OSBPL9: variants seen among roughly 807,000 people sequenced by gnomAD.
OSBPL9 encodes oxysterol-binding protein-related protein 9.
In OSBPL9, 40 loss-of-function variants were observed where a neutral mutation model predicts 106.6. The observed-to-expected ratio is 0.38, with a 90% CI of 0.29 to 0.49. The LOEUF (loss-of-function observed/expected upper bound fraction) is 0.49. Ranked by LOEUF, OSBPL9 falls within the 20% of genes least tolerant of loss-of-function variation. The pLI, the probability that OSBPL9 is intolerant of heterozygous loss-of-function variation, is 0.97. For missense variants in OSBPL9, 609 were observed against 887.2 expected (o/e 0.69, Z 3.98); for synonymous variants, 269 against 295.4 (o/e 0.91, Z 0.92).
the OSBPL9 span, among the ~76,000 whole-genome samples, chr1:51,528,906 C>T: frequency 6.6e-6 from 1 of 151,868 alleles, no homozygotes; most frequent in East Asian, 1.9e-4. Flanking sequence ...ATTCCGTTTA[C>T]AATAACATCA....
chr1:51,597,459 G>A (rs113907749), intron 1 of OSBPL9, among the ~76,000 whole-genome samples: 31,163 of 132,834 alleles, frequency 0.23, 4,415 homozygotes, highest in African/African-American at 0.41. Context: ...GTGTGTGTGT[G>A]TATATACACA....
At chr1:51,749,142 T>C (rs1220270924) in intron 7 of OSBPL9, among the ~76,000 whole-genome samples, 2 of 152,128 alleles carry the variant, frequency 1.3e-5, no homozygotes, top group Non-Finnish European at 2.9e-5. Flanking sequence ...GGCTTCTTTC[T>C]TATTAAAATA....
intron 2 of OSBPL9, among the ~76,000 whole-genome samples, chr1:51,606,799 A>G (rs1201988393): frequency 6.6e-6 from 1 of 152,206 alleles, no homozygotes; most frequent in Non-Finnish European, 1.5e-5. Flanking sequence ...CTGTAATCTC[A>G]GCACTTTGGG....
upstream of OSBPL9, chr1:51,616,907 TGCATTCTC>T: frequency 4.9e-6 from 4 of 822,254 alleles, no homozygotes; most frequent in Non-Finnish European, 7.3e-6. Flanking sequence ...TATTCACGTT[TGCATTCTC>T]GCATCCGTGG....
the OSBPL9 span, chr1:51,519,214 C>G: frequency 8.2e-6 from 11 of 1,348,368 alleles, no homozygotes; most frequent in African/African-American, 1.2e-4. Flanking sequence ...TCAGAGAGAG[C>G]TGGGCCGCCG....
chr1:51,686,941 T>C (rs1198414402), intron 3 of OSBPL9, among the ~76,000 whole-genome samples: 4 of 152,230 alleles, frequency 2.6e-5, no homozygotes, highest in Non-Finnish European at 5.9e-5. Flanking sequence ...AGACTGAATG[T>C]AGAGCATGAG....
intron 1 of OSBPL9, among the ~76,000 whole-genome samples, chr1:51,633,385 T>C (rs928242738): frequency 4.6e-5 from 7 of 151,190 alleles, no homozygotes; most frequent in South Asian, 2.1e-4. Flanking sequence ...GCCTGGGCAA[T>C]GTAGGGAGAC....
At chr1:51,653,196 G>GTT (rs543770791) in intron 2 of OSBPL9, among the ~76,000 whole-genome samples, 2 of 145,452 alleles carry the variant, frequency 1.4e-5, no homozygotes, top group African/African-American at 2.5e-5. Flanking sequence ...TCTAGTTTTT[G>GTT]TTTTTTTTTT....
chr1:51,546,464 G>A, the OSBPL9 span, among the ~76,000 whole-genome samples: 9 of 152,198 alleles, frequency 5.9e-5, no homozygotes, highest in East Asian at 1.9e-4. Flanking sequence ...TTGGGATGCC[G>A]AGGCGGGTGG....
chr1:51,753,306 T>C (rs1352568923), intron 8 of OSBPL9, among the ~76,000 whole-genome samples: 1 of 152,208 alleles, frequency 6.6e-6, no homozygotes, highest in African/African-American at 2.4e-5. Flanking sequence ...TGTGCTTTGG[T>C]TTATATTCCA....
At chr1:51,680,266 A>T (rs866783954) in intron 3 of OSBPL9, among the ~76,000 whole-genome samples, 97 of 151,764 alleles carry the variant, frequency 6.4e-4, no homozygotes, top group Middle Eastern at 6.8e-3. Context: ...AAAAAAAAAA[A>T]TTTTGAGTCA....
chr1:51,605,254 T>A (rs898213697), intron 2 of OSBPL9, among the ~76,000 whole-genome samples: 1 of 152,080 alleles, frequency 6.6e-6, no homozygotes, highest in Non-Finnish European at 1.5e-5. Flanking sequence ...ACAAGAGCCA[T>A]TTAAATAAGG....
intron 4 of OSBPL9, among the ~76,000 whole-genome samples, chr1:51,721,598 T>C (rs1662135512): frequency 6.6e-6 from 1 of 152,244 alleles, no homozygotes; most frequent in Non-Finnish European, 1.5e-5. Flanking sequence ...TCTGAGTAGA[T>C]TAATAAAAAT....
At chr1:51,570,567 CA>C in the OSBPL9 span, among the ~76,000 whole-genome samples, 1 of 152,192 alleles carries the variant, frequency 6.6e-6, no homozygotes, top group Non-Finnish European at 1.5e-5. Context: ...GACAGAGTCA[CA>C]AATGAAATCA....
chr1:51,519,267 G>C, the OSBPL9 span: 45 of 1,277,726 alleles, frequency 3.5e-5, no homozygotes, highest in Non-Finnish European at 4.5e-5. Context: ...GAAGGAAGAC[G>C]GGCTGACTGG....
intron 1 of OSBPL9, among the ~76,000 whole-genome samples, chr1:51,618,851 C>T (rs1209421452): frequency 1.3e-5 from 2 of 152,100 alleles, no homozygotes; most frequent in Admixed American, 6.6e-5. Flanking sequence ...AATCAGGATG[C>T]CAAATTATTG....
the OSBPL9 span, among the ~76,000 whole-genome samples, chr1:51,558,248 C>G: frequency 6.6e-6 from 1 of 151,882 alleles, no homozygotes; most frequent in South Asian, 2.1e-4. Flanking sequence ...CCACTGCACT[C>G]CAGCCTGGGT....
rs186590535 is a variant in OSBPL9 at position 51,776,415 on chromosome 1, T to C, written c.1171-418T>C. Among the ~76,000 whole-genome samples, 71 of 152,346 alleles carry C rather than the reference T, an allele frequency of 4.7e-4. 3 individuals carry two copies. The South Asian group carries it at 0.012, about 25-fold the overall frequency. ...CGCTGAGCTTCATATTTCTTCACTG[T>C]AATAATTTCTTCATCATAGGGCTAT... On this transcript the variant is annotated intron_variant, in intron 14 of 23. Transcript: ENST00000428468.
At chr1:51,725,745 T>C (rs767012369) in intron 4 of OSBPL9, among the ~76,000 whole-genome samples, 10 of 152,184 alleles carry the variant, frequency 6.6e-5, no homozygotes, top group Admixed American at 1.3e-4. Context: ...GGGGATTTTT[T>C]TTCCCCCAGT....
Sources: gnomAD v4.1 joint callset for allele counts (sites outside exome capture counted in the v4.1 genomes callset) on GRCh38, gnomAD v4.1.1 for gene constraint, MANE v1.5 for transcripts, NCBI Gene and HGNC (gene_info 2026-07-23, HGNC 2026-07-21) for gene names.